Variants in CYP4F3 observed in about 807,000 individuals in gnomAD.
CYP4F3 encodes cytochrome P450 4F3.
In CYP4F3, 50 loss-of-function variants were observed where a neutral mutation model predicts 54.8. The observed-to-expected ratio is 0.91, with a 90% CI of 0.73 to 1.16. The LOEUF (loss-of-function observed/expected upper bound fraction) is 1.16, where lower values mean the gene tolerates loss of function less well. Ranked by LOEUF, CYP4F3 falls within the 50% of genes most tolerant of loss-of-function variation. The pLI is 0.00. For missense variants in CYP4F3, 715 were observed against 676.2 expected (o/e 1.06, Z -0.64); for synonymous variants, 244 against 262.6 (o/e 0.93, Z 0.69).
chr19:15,641,390 A>C, intron 1 of CYP4F3, 25 bp from the exon 2 acceptor site: 1 of 1,612,666 alleles, frequency 6.2e-7, no homozygotes, highest in Non-Finnish European at 8.5e-7. Context: ...TCAGGACCTC[A>C]CTCACCACCC....
chr19:15,645,926 G>T (rs1245954849), intron 3 of CYP4F3, 63 bp downstream of exon 3: 3 of 1,503,048 alleles, frequency 2.0e-6, no homozygotes, highest in Middle Eastern at 1.8e-4. Context: ...CCACAGCTGG[G>T]GTCTCTGTGC....
chr19:15,642,240 A>G (rs1012914741), intron 2 of CYP4F3, among the ~76,000 whole-genome samples: 1 of 152,144 alleles, frequency 6.6e-6, no homozygotes, highest in African/African-American at 2.4e-5. Context: ...CGTGGTCTCA[A>G]TCTGCTCATT....
At chr19:15,650,686 T>A (rs927564513) in intron 7 of CYP4F3, among the ~76,000 whole-genome samples, 1 of 71,796 alleles carries the variant, frequency 1.4e-5, no homozygotes, top group Admixed American at 1.5e-4. Flanking sequence ...CTTTCTTTCT[T>A]TCTTTCTTTC....
At chr19:15,649,538 T>C (rs980447211) in intron 6 of CYP4F3, among the ~76,000 whole-genome samples, 2 of 152,046 alleles carry the variant, frequency 1.3e-5, no homozygotes, top group African/African-American at 4.8e-5. Context: ...TTAACACTGA[T>C]GCAAAGAAGC....
chr19:15,651,393 A>T (rs1599899185), intron 7 of CYP4F3, among the ~76,000 whole-genome samples: 2 of 124,336 alleles, frequency 1.6e-5, no homozygotes, highest in African/African-American at 2.9e-5. Flanking sequence ...TTTGAGATGG[A>T]GTCTCGCTGT....
At position 15,662,302 on chromosome 19, in the gene CYP4F3, G is replaced by GA. The variant is rs1973200422; in HGVS notation, c.*2920dup. On this transcript the variant is annotated 3_prime_UTR_variant, in exon 13 of 13. Transcript: ENST00000221307. ...AAAAAAAAAAAAAAAAGGAAAGAAA[G>GA]AAAGAAAAGAAAAGAAAATCCTTTT... The GA allele has an allele frequency of 9.0e-6, 1 of 111,720 alleles. No homozygotes were observed. Among genetic ancestry groups the GA allele is most frequent in the South Asian group, 3.1e-4 (1 of 3,194 alleles). 6.9% of individuals were successfully genotyped at this position (111,720 alleles called of 1,614,324 possible).
rs1466076973 is a variant in CYP4F3 at position 15,658,502 on chromosome 19, C to A, written c.1261C>A (p.Leu421Ile). Residue 421 changes from leucine (L) to isoleucine (I), a missense_variant, in exon 11 of 13, where the codon CTC becomes ATC. Coordinates refer to ENST00000221307, the MANE Select transcript of CYP4F3 (RefSeq NM_000896.3). ...GRVIPKGIICLISVFGTHHNP... is the reference protein window; with the variant it reads ...GRVIPKGIICIISVFGTHHNP... ...CTTCTCTCCCACAGGCATTATCTGC[C>A]TCATCAGTGTTTTTGGAACCCATCA... 3.1e-6 allele frequency: 5 copies of A among 1,614,210 alleles called. No individual in the cohort carries two copies. In the South Asian group the frequency reaches 5.5e-5, roughly 18 times the overall value.
In CYP4F3 at chr19:15,660,446, G is replaced by A. The variant is rs184757456; in HGVS notation, c.*1061G>A. 1.3e-5 allele frequency: 2 copies of A among 152,240 alleles called. No homozygotes were observed. Among genetic ancestry groups the A allele is most frequent in the African/African-American group, 4.8e-5 (2 of 41,540 alleles). 9.4% of individuals were successfully genotyped at this position (152,240 alleles called of 1,614,324 possible). A position where few individuals can be genotyped will look rare whatever the true frequency, so the allele number is the denominator to read the frequency against. The stretch of plus-strand genomic sequence containing the variant: ...CTGACTGTTTTTGTCCTATTAAGAA[G>A]TAGACCACTGAGAAGGGAGAAGGTG... On this transcript the variant is annotated 3_prime_UTR_variant, in exon 13 of 13. Transcript: ENST00000221307.
intron 7 of CYP4F3, among the ~76,000 whole-genome samples, chr19:15,650,618 TTA>T (rs769673130): frequency 4.0e-5 from 6 of 151,892 alleles, no homozygotes. Context: ...TCATCTTTGT[TTA>T]TGTTTATGCC....
At chr19:15,649,511 T>C (rs1305516167) in intron 6 of CYP4F3, among the ~76,000 whole-genome samples, 1 of 152,136 alleles carries the variant, frequency 6.6e-6, no homozygotes. Context: ...CTGACTGTAA[T>C]GTAGCACTAA....
intron 2 of CYP4F3, among the ~76,000 whole-genome samples, chr19:15,643,185 AT>A: frequency 6.6e-6 from 1 of 152,012 alleles, no homozygotes; most frequent in Non-Finnish European, 1.5e-5. Context: ...AGGTAGATAG[AT>A]AATAGGCTAG....
intron 7 of CYP4F3, among the ~76,000 whole-genome samples, chr19:15,651,451 T>C: frequency 7.3e-6 from 1 of 137,512 alleles, no homozygotes; most frequent in Non-Finnish European, 1.6e-5. Flanking sequence ...TACTGCAACC[T>C]CCGCCTCCTG....
intron 2 of CYP4F3, chr19:15,644,077 G>T: frequency 6.6e-7 from 1 of 1,523,424 alleles, no homozygotes. Flanking sequence ...CTTGGTGGTG[G>T]GTGCTATGGT....
At position 15,659,364 on chromosome 19, in the gene CYP4F3, G is replaced by A. The variant is rs1409964836; in HGVS notation, c.1542G>A (p.Leu514=). Residue 514 remains leucine (L), a synonymous_variant, in exon 13 of 13, where the codon CTG becomes CTA. Coordinates refer to ENST00000221307, the MANE Select transcript of CYP4F3 (RefSeq NM_000896.3). ...TGCGCGCAGAGGGCGGACTTTGGCT[G>A]CGGGTGGAGCCCCTGAGCTGAGTTC... is the stretch of plus-strand genomic sequence containing the variant. ...LVLRAEGGLW[L]RVEPLS is the part of the protein sequence containing the mutation. 2 of 1,612,280 alleles carry A rather than the reference G, an allele frequency of 1.2e-6. No homozygotes were observed. The highest frequency in any genetic ancestry group is 1.7e-6 in the Non-Finnish European group (2 of 1,179,204).
rs141337818 is a variant in CYP4F3 at position 15,645,815 on chromosome 19, G to A, written c.295G>A (p.Val99Ile). 7.6e-5 allele frequency: 122 copies of A among 1,613,828 alleles called. No homozygotes were observed. Among genetic ancestry groups the A allele is most frequent in the Middle Eastern group, 3.3e-4 (2 of 6,082 alleles). Reference sequence around the variant, plus strand: ...GTGGGTGGGGCCCTGGCACGCAATCGTCCGCATCTTCCACCCCACCTACAT... The same window carrying A: ...GTGGGTGGGGCCCTGGCACGCAATCATCCGCATCTTCCACCCCACCTACAT... The part of the protein sequence containing the change: ...CWWVGPWHAI[V>I]RIFHPTYIKP... Residue 99 changes from valine (V) to isoleucine (I), a missense_variant, in exon 3 of 13, where the codon GTC becomes ATC. Val to Ile is a conservative substitution (Grantham distance 29). Transcript: ENST00000221307.
At chr19:15,652,998 C>A in intron 9 of CYP4F3, 46 bp downstream of exon 9, 1 of 1,556,660 alleles carries the variant, frequency 6.4e-7, no homozygotes, top group African/African-American at 1.4e-5. Context: ...GTCTCATTGG[C>A]TCTGTTCCCC....
intron 5 of CYP4F3, 26 bp downstream of exon 5, chr19:15,647,350 A>C (rs1343548415): frequency 6.2e-7 from 1 of 1,613,702 alleles, no homozygotes; most frequent in East Asian, 2.2e-5. Flanking sequence ...CCAAGGTCCC[A>C]GCTGCAGCCT....
In CYP4F3 at chr19:15,660,298, A is replaced by G. The variant is rs1973154127; in HGVS notation, c.*913A>G. 6.6e-6 allele frequency: 1 copy of G among 152,172 alleles called. No homozygotes were observed. The highest frequency in any genetic ancestry group is 1.5e-5 in the Non-Finnish European group (1 of 68,030). The allele number at this position is 152,172 out of a possible 1,614,324, so 9.4% of individuals were successfully genotyped here. A position where few individuals can be genotyped will look rare whatever the true frequency, so the allele number is the denominator to read the frequency against. On this transcript the variant is annotated 3_prime_UTR_variant, in exon 13 of 13. Transcript: ENST00000221307. ...TCAGTTACAAATTGAGTTATTCTTC[A>G]TCAAATGACTTTTGGAGTAGAGATT...
chr19:15,656,728 T>TATCTATC lies in CYP4F3; in HGVS notation c.1116-1536_1116-1535insATCTATC, dbSNP rs1568402543. 2.7e-3 allele frequency among the ~76,000 whole-genome samples: 388 copies of TATCTATC among 144,016 alleles called. 1 individual carries two copies. Among genetic ancestry groups the TATCTATC allele is most frequent in the Middle Eastern group, 0.011 (3 of 268 alleles). The allele number at this position is 144,016 out of a possible 152,430, so 94.5% of individuals were successfully genotyped here. A position where few individuals can be genotyped will look rare whatever the true frequency, so the allele number is the denominator to read the frequency against. On this transcript the variant is annotated intron_variant, in intron 9 of 12. Coordinates refer to ENST00000221307, the MANE Select transcript of CYP4F3 (RefSeq NM_000896.3). ...CTATGTATCTATCTATATCATCTATTTATCTATCTATCTATCTATCTATCT... is the reference window on the plus strand; with the variant it reads ...CTATGTATCTATCTATATCATCTATTATCTATCTATCTATCTATCTATCTATCTATCT...
Sources: allele counts gnomAD v4.1 joint callset (sites outside exome capture counted in the v4.1 genomes callset), GRCh38; gene constraint gnomAD v4.1.1; transcripts MANE v1.5; gene names NCBI Gene and HGNC (gene_info 2026-07-23, HGNC 2026-07-21).